ABCC2: variants seen among roughly 807,000 people sequenced by gnomAD.
ABCC2 encodes the protein ATP-binding cassette sub-family C member 2.
Under a neutral mutation model 173.4 loss-of-function variants are expected in ABCC2, and 157 were observed. The ratio of observed to expected loss-of-function variants is 0.91; its 90% CI spans 0.80 to 1.03. The LOEUF (loss-of-function observed/expected upper bound fraction) is 1.03, where lower values mean the gene tolerates loss of function less well. ABCC2 is among the 50% of genes least tolerant of loss of function. The pLI, the probability that ABCC2 is intolerant of heterozygous loss-of-function variation, is 0.00. For missense variants in ABCC2, 1,822 were observed against 1,852.3 expected (o/e 0.98, Z 0.30); for synonymous variants, 657 against 693.5 (o/e 0.95, Z 0.83).
At chr10:99,848,003 A>G (rs2039042436) in intron 30 of ABCC2, among the ~76,000 whole-genome samples, 1 of 152,222 alleles carries the variant, frequency 6.6e-6, no homozygotes, top group South Asian at 2.1e-4. Context: ...TACACATCCC[A>G]CAGAAAGCAG....
Position 99,818,861 on chromosome 10 carries a change from C to T in ABCC2, c.2343C>T (p.Ile781=). 1 of 1,614,220 alleles carries T rather than the reference C, an allele frequency of 6.2e-7. No individual in the cohort carries two copies. The highest frequency in any genetic ancestry group is 8.5e-7 in the Non-Finnish European group (1 of 1,180,046). Reference sequence around the variant, plus strand: ...GAGCTACCTACCAAAATTTAGACATCTATCTTCTAGATGACCCCCTGTCTG... The same window carrying T: ...GAGCTACCTACCAAAATTTAGACATTTATCTTCTAGATGACCCCCTGTCTG... ...LARATYQNLD[I]YLLDDPLSAV... is the part of the protein sequence containing the mutation. Residue 781 remains isoleucine (I), a synonymous_variant, in exon 18 of 32, where the codon ATC becomes ATT. Coordinates refer to ENST00000647814, the MANE Select transcript of ABCC2 (RefSeq NM_000392.5).
intron 24 of ABCC2, 72 bp downstream of exon 24, chr10:99,834,607 T>G: frequency 6.5e-7 from 1 of 1,543,322 alleles, no homozygotes. Flanking sequence ...TTCCTGAGAA[T>G]CTTCTCTCTG....
rs2132974388 is a variant in ABCC2, at chr10:99,793,969, A to C, written c.546A>C (p.Ser182=). 6.2e-7 allele frequency: 1 copy of C among 1,612,830 alleles called. No homozygotes were observed. The part of the protein sequence containing the change: ...YGFQILILIF[S]AFSENNESSN... ...TCCAGATCCTGATCCTGATCTTTTCAGCATTTTCAGAAAATAATGAGTCAT... is the reference window on the plus strand; with the variant it reads ...TCCAGATCCTGATCCTGATCTTTTCCGCATTTTCAGAAAATAATGAGTCAT... The change falls in exon 5 of 32, where the codon TCA becomes TCC. Residue 182 remains serine, a synonymous_variant. Coordinates refer to ENST00000647814, the MANE Select transcript of ABCC2 (RefSeq NM_000392.5).
intron 2 of ABCC2, among the ~76,000 whole-genome samples, chr10:99,787,578 G>T (rs2037738296): frequency 6.6e-6 from 1 of 152,090 alleles, no homozygotes. Flanking sequence ...CAACTTTTAT[G>T]TGTAAACATG....
At chr10:99,817,706 T>C (rs1381068687) in intron 17 of ABCC2, among the ~76,000 whole-genome samples, 2 of 152,150 alleles carry the variant, frequency 1.3e-5, no homozygotes, top group African/African-American at 4.8e-5. Context: ...ACAGGAATTA[T>C]GTAATTTAAA....
chr10:99,851,728 A>T lies in ABCC2; in HGVS notation c.*97A>T. On this transcript the variant is annotated 3_prime_UTR_variant, in exon 32 of 32. Transcript: ENST00000647814. ...AGAATACATACAAAAGTGTGTATAA[A>T]ATGTACGTTTTAAAAAAGGATAAGT... 8.0e-7 allele frequency: 1 copy of T among 1,248,840 alleles called. No individual in the cohort carries two copies. The highest frequency in any genetic ancestry group is 1.5e-5 in the South Asian group (1 of 66,924). 77.4% of individuals were successfully genotyped at this position (1,248,840 alleles called of 1,614,324 possible).
intron 30 of ABCC2, 123 bp downstream of exon 30, chr10:99,847,250 G>A: frequency 8.8e-7 from 1 of 1,140,160 alleles, no homozygotes; most frequent in Admixed American, 1.9e-5. Flanking sequence ...TTCCTAAAGT[G>A]TAAAATGAAC....
rs576340107 is a variant in ABCC2, at chr10:99,831,762, G to T, written c.3035G>T (p.Ser1012Ile). The T allele has an allele frequency of 6.2e-7, 1 of 1,614,168 alleles. No homozygotes were observed. Among genetic ancestry groups the T allele is most frequent in the African/African-American group, 1.3e-5 (1 of 75,026 alleles). The stretch of plus-strand genomic sequence containing the variant: ...ACCAGTGACTCTAAAATCTTCAATA[G>T]CACCGACTATCCAGCATCTCAGAGG... ...AWTSDSKIFN[S>I]TDYPASQRDM... Residue 1012 changes from serine (S) to isoleucine (I), a missense_variant, in exon 22 of 32, where the codon AGC (serine) becomes ATC (isoleucine). By Grantham distance (142) the Ser-to-Ile change is moderately radical. Coordinates refer to ENST00000647814, the MANE Select transcript of ABCC2 (RefSeq NM_000392.5).
rs765088337 is a variant in ABCC2 at position 99,830,757 on chromosome 10, C to T, written c.2789C>T (p.Ser930Phe). 18 of 1,613,910 alleles carry T rather than the reference C, an allele frequency of 1.1e-5. No individual in the cohort carries two copies. The highest frequency in any genetic ancestry group is 1.6e-4 in the Middle Eastern group (1 of 6,082). ...NGRHLKSLRNSLKTRNVNSLK... is the reference protein window; with the variant it reads ...NGRHLKSLRNFLKTRNVNSLK... Reference sequence around the variant, plus strand: ...AGGCATCTGAAGTCCCTGAGAAACTCCTTGAAAACTCGGAATGTGAATAGC... The same window carrying T: ...AGGCATCTGAAGTCCCTGAGAAACTTCTTGAAAACTCGGAATGTGAATAGC... Residue 930 changes from serine to phenylalanine, a missense_variant, in exon 21 of 32, where the codon TCC (serine) becomes TTC (phenylalanine). Physicochemically the swap from Ser to Phe is radical, Grantham distance 155 (BLOSUM62 -2). Transcript: ENST00000647814.
At chr10:99,827,616 A>T (rs2038667013) in intron 19 of ABCC2, among the ~76,000 whole-genome samples, 1 of 151,856 alleles carries the variant, frequency 6.6e-6, no homozygotes. Context: ...TGCTTGTTTT[A>T]GTTCCTTACC....
chr10:99,789,866 A>C (rs2037784586), intron 2 of ABCC2, among the ~76,000 whole-genome samples: 1 of 152,172 alleles, frequency 6.6e-6, no homozygotes, highest in South Asian at 2.1e-4. Context: ...CCAAATGTAA[A>C]AGTATCAAAA....
At position 99,811,533 on chromosome 10, in the gene ABCC2, C is replaced by T. The variant is rs2038213484; in HGVS notation, c.1901-3C>T. 3 of 1,614,052 alleles carry T rather than the reference C, an allele frequency of 1.9e-6. No individual in the cohort carries two copies. The South Asian group carries it at 3.3e-5, about 18-fold the overall frequency. On this transcript the variant is annotated splice_polypyrimidine_tract_variant and splice_region_variant and intron_variant, in intron 14 of 31. Transcript: ENST00000647814. ...GGACTAAAAGAGGGCTTTTTCTCAA[C>T]AGACAAAGCCATGCAGTTTTCTGAG...
chr10:99,814,469 ATG>A (rs1422125886), intron 16 of ABCC2, among the ~76,000 whole-genome samples: 2 of 16,080 alleles, frequency 1.2e-4, no homozygotes, highest in Middle Eastern at 0.071. Context: ...ATACACACAT[ATG>A]TGTGTATATA....
intron 12 of ABCC2, 141 bp from the exon 13 acceptor site, chr10:99,807,941 CT>C (rs1486989718): frequency 3.8e-5 from 39 of 1,021,398 alleles, no homozygotes; most frequent in Non-Finnish European, 5.9e-5. Context: ...CTCTCCTGGG[CT>C]CAGTTTTCTC....
In ABCC2 at chr10:99,805,461, C is replaced by A; in HGVS notation, c.1530+14C>A. ...AGTGGAATCAAGGTGAGAATCTGAG[C>A]GTAGGTGGCTCTCTGTGGGTAAGGA... On this transcript the variant is annotated intron_variant, in intron 11 of 31. Transcript: ENST00000647814. The A allele has an allele frequency of 6.2e-7, 1 of 1,612,744 alleles. No homozygotes were observed. Among genetic ancestry groups the A allele is most frequent in the Non-Finnish European group, 8.5e-7 (1 of 1,178,890 alleles).
intron 7 of ABCC2, among the ~76,000 whole-genome samples, chr10:99,798,894 A>G (rs1274954316): frequency 6.6e-6 from 1 of 152,224 alleles, no homozygotes; most frequent in African/African-American, 2.4e-5. Flanking sequence ...AGGACCTCTC[A>G]GCATCATGCC....
intron 25 of ABCC2, among the ~76,000 whole-genome samples, chr10:99,839,045 G>T (rs1385961418): frequency 1.6e-5 from 2 of 123,000 alleles, no homozygotes; most frequent in Non-Finnish European, 3.4e-5. Flanking sequence ...GGGCAGAGGC[G>T]CCCCTCACCT....
chr10:99,847,151 C>G (rs759678901), intron 30 of ABCC2, 24 bp downstream of exon 30: 2 of 1,613,090 alleles, frequency 1.2e-6, no homozygotes, highest in Admixed American at 1.7e-5. Flanking sequence ...GCCTGCTACC[C>G]CTGCAGGCAA....
At chr10:99,811,242 A>C (rs1003048056) in intron 14 of ABCC2, among the ~76,000 whole-genome samples, 2 of 151,832 alleles carry the variant, frequency 1.3e-5, no homozygotes, top group African/African-American at 4.8e-5. Flanking sequence ...AGGTCGGAGA[A>C]TCTCTTGAGC....
Sources: gnomAD v4.1 joint callset for allele counts (sites outside exome capture counted in the v4.1 genomes callset) on GRCh38, gnomAD v4.1.1 for gene constraint, MANE v1.5 for transcripts, NCBI Gene and HGNC (gene_info 2026-07-23, HGNC 2026-07-21) for gene names.